Variants in MRPL3 observed in about 807,000 individuals in gnomAD.
The protein encoded by MRPL3 is large ribosomal subunit protein uL3m.
MRPL3 carries 43 observed loss-of-function variants against 44.3 expected under a neutral mutation model. The observed-to-expected ratio is 0.97, with a 90% confidence interval of 0.76 to 1.25. MRPL3 has a LOEUF of 1.25. Among genes scored for constraint, MRPL3 ranks in the 50% most tolerant of loss-of-function variants. The pLI is 0.00. For synonymous variants in MRPL3, 171 were observed against 152.3 expected (o/e 1.12, Z -0.91); for missense variants, 406 against 427.6 (o/e 0.95, Z 0.45).
intron 7 of MRPL3, 60 bp downstream of exon 7, chr3:131,471,111 G>A (rs1302310461): frequency 1.7e-6 from 2 of 1,154,164 alleles, no homozygotes; most frequent in African/African-American, 3.0e-5. Flanking sequence ...ACGGACTGAG[G>A]ACTACATGTG....
chr3:131,468,200 G>A, intron 8 of MRPL3, 32 bp from the exon 9 acceptor site: 3 of 1,303,510 alleles, frequency 2.3e-6, no homozygotes, highest in Non-Finnish European at 3.2e-6. Context: ...AAAATTTTAG[G>A]ATATACTTGT....
Position 131,502,886 on chromosome 3 carries a change from C to A in MRPL3, c.-65G>T. 3 of 1,428,476 alleles carry A rather than the reference C, an allele frequency of 2.1e-6. No individual in the cohort carries two copies. The highest frequency in any genetic ancestry group is 2.9e-6 in the Non-Finnish European group (3 of 1,024,854). The allele number at this position is 1,428,476 out of a possible 1,614,324, so 88.5% of individuals were successfully genotyped here. A position where few individuals can be genotyped will look rare whatever the true frequency, so the allele number is the denominator to read the frequency against. On this transcript the variant is annotated 5_prime_UTR_variant, in exon 1 of 10. Transcript: ENST00000264995. Reference sequence around the variant, plus strand: ...CCCTGCCGCTCTGCTTTCAGGGAGTCCCCACGCCACCGCCACGTGGACGCA... The same window carrying A: ...CCCTGCCGCTCTGCTTTCAGGGAGTACCCACGCCACCGCCACGTGGACGCA...
At chr3:131,473,026 A>G (rs1240668988) in intron 6 of MRPL3, among the ~76,000 whole-genome samples, 1 of 152,170 alleles carries the variant, frequency 6.6e-6, no homozygotes, top group Non-Finnish European at 1.5e-5. Context: ...CTATCAAAAT[A>G]CCAATGACAC....
At chr3:131,467,923 C>T (rs1477229754) in intron 9 of MRPL3, among the ~76,000 whole-genome samples, 168 bp downstream of exon 9, 1 of 151,304 alleles carries the variant, frequency 6.6e-6, no homozygotes, top group African/African-American at 2.4e-5. Flanking sequence ...CAGGAGAGAA[C>T]ATGTGGAAAA....
intron 4 of MRPL3, among the ~76,000 whole-genome samples, chr3:131,491,345 A>G (rs964697255): frequency 6.6e-5 from 10 of 152,164 alleles, no homozygotes; most frequent in Non-Finnish European, 5.9e-5. Context: ...TCTCCATGGA[A>G]GACTTTCTCT....
chr3:131,489,700 A>T (rs1934205937), intron 5 of MRPL3, among the ~76,000 whole-genome samples: 1 of 152,006 alleles, frequency 6.6e-6, no homozygotes, highest in Non-Finnish European at 1.5e-5. Flanking sequence ...CGATCTTTGA[A>T]TTTTAAAAGT....
At chr3:131,498,375 T>C (rs758877869) in intron 3 of MRPL3, 98 bp from the exon 4 acceptor site, 1 of 653,182 alleles carries the variant, frequency 1.5e-6, no homozygotes, top group Non-Finnish European at 2.7e-6. Context: ...AGGAATTCCC[T>C]ACAGTTACTT....
At chr3:131,482,312 C>T (rs536567260) in intron 6 of MRPL3, among the ~76,000 whole-genome samples, 7 of 151,972 alleles carry the variant, frequency 4.6e-5, no homozygotes, top group Admixed American at 2.0e-4. Flanking sequence ...GTCAGGAGAT[C>T]GAGACCATCC....
rs562500628 is a variant in MRPL3, at chr3:131,467,277, C to T, written c.894+814G>A. Among the ~76,000 whole-genome samples the T allele has an allele frequency of 1.4e-3, 220 of 151,796 alleles. 1 individual carries two copies. Among genetic ancestry groups the T allele is most frequent in the African/African-American group, 4.9e-3 (204 of 41,414 alleles). On this transcript the variant is annotated intron_variant, in intron 9 of 9. Transcript: ENST00000264995. ...ACATACACACACACACACACACCCA[C>T]CACATCTTCTTTATCCATTCATTTG...
chr3:131,494,784 CAATGTAA>C (rs1339985260), intron 4 of MRPL3, among the ~76,000 whole-genome samples: 2 of 152,116 alleles, frequency 1.3e-5, no homozygotes, highest in East Asian at 3.9e-4. Flanking sequence ...AAACCAGAAG[CAATGTAA>C]AAGACTTTTT....
chr3:131,502,045 G>T (rs1478768034), intron 1 of MRPL3: 1 of 755,462 alleles, frequency 1.3e-6, no homozygotes, highest in Non-Finnish European at 2.1e-6. Flanking sequence ...TTTACATTCA[G>T]TGGAGGTGGC....
At chr3:131,495,274 T>C (rs987055963) in intron 4 of MRPL3, among the ~76,000 whole-genome samples, 5 of 152,134 alleles carry the variant, frequency 3.3e-5, no homozygotes, top group Admixed American at 3.3e-4. Context: ...CTGGATACTT[T>C]TAGTTTCAAA....
At chr3:131,468,937 T>C (rs550123598) in intron 8 of MRPL3, among the ~76,000 whole-genome samples, 1 of 152,178 alleles carries the variant, frequency 6.6e-6, no homozygotes, top group South Asian at 2.1e-4. Context: ...CTTTGGGTAT[T>C]GTTCTTATTG....
chr3:131,481,500 A>C (rs1169486510), intron 6 of MRPL3, among the ~76,000 whole-genome samples: 2 of 152,244 alleles, frequency 1.3e-5, no homozygotes, highest in African/African-American at 4.8e-5. Context: ...AAAATGAAGC[A>C]GCAAAGAGAT....
chr3:131,488,382 T>TGC (rs1288278296), intron 5 of MRPL3, among the ~76,000 whole-genome samples: 1 of 152,220 alleles, frequency 6.6e-6, no homozygotes, highest in Non-Finnish European at 1.5e-5. Context: ...AGTCTTACTT[T>TGC]AAATGTACTT....
At chr3:131,474,259 G>T (rs1933804339) in intron 6 of MRPL3, among the ~76,000 whole-genome samples, 1 of 152,154 alleles carries the variant, frequency 6.6e-6, no homozygotes, top group African/African-American at 2.4e-5. Context: ...AATGAAACTG[G>T]AGGACATTAT....
chr3:131,482,514 CAAA>C (rs753043392), intron 6 of MRPL3, among the ~76,000 whole-genome samples: 3 of 86,776 alleles, frequency 3.5e-5, no homozygotes, highest in African/African-American at 4.4e-5. Flanking sequence ...GACTCCGTCT[CAAA>C]AAAAAAAAAA....
At chr3:131,501,479 C>A in intron 2 of MRPL3, 52 bp downstream of exon 2, 1 of 1,400,546 alleles carries the variant, frequency 7.1e-7, no homozygotes, top group South Asian at 1.3e-5. Flanking sequence ...TTAAATGTGT[C>A]CAGCCACACA....
At chr3:131,501,787 A>G (rs1934502945) in intron 1 of MRPL3, 72 bp from the exon 2 acceptor site, 3 of 1,589,232 alleles carry the variant, frequency 1.9e-6, no homozygotes, top group Non-Finnish European at 1.7e-6. Flanking sequence ...AGAAAAGGGA[A>G]GTCACAAATT....
Sources: allele counts gnomAD v4.1 joint callset (sites outside exome capture counted in the v4.1 genomes callset), GRCh38; gene constraint gnomAD v4.1.1; transcripts MANE v1.5; gene names NCBI Gene and HGNC (gene_info 2026-07-23, HGNC 2026-07-21).